The following PCDHA2 variants were observed in gnomAD, a reference collection of about 807,000 sequenced individuals.
PCDHA2 encodes the protein protocadherin alpha 2, also known as protocadherin alpha-2.
In PCDHA2, 58 loss-of-function variants were observed where a neutral mutation model predicts 66.0. The ratio of observed to expected loss-of-function variants is 0.88; its 90% CI spans 0.71 to 1.09. The LOEUF (loss-of-function observed/expected upper bound fraction) is 1.09. Among genes scored for constraint, PCDHA2 ranks in the 50% least tolerant of loss-of-function variants. The pLI, the probability that PCDHA2 is intolerant of heterozygous loss-of-function variation, is 0.00. For missense variants in PCDHA2, 1,267 were observed against 1,242.3 expected, an observed-to-expected ratio of 1.02 and a Z score of -0.30; for synonymous variants, 634 against 554.0, an observed-to-expected ratio of 1.14 and a Z score of -2.03.
rs377755323 is a variant in PCDHA2 at position 140,870,200 on chromosome 5, C to T, written c.2388+72848C>T. Reference sequence around the variant, plus strand: ...GTACGAGAGGACGCTCAGCCCAGCACGGTCATTGCCCTGATCAGCGTGTCT... The same window carrying T: ...GTACGAGAGGACGCTCAGCCCAGCATGGTCATTGCCCTGATCAGCGTGTCT... On this transcript the variant is annotated intron_variant, in intron 1 of 3. Transcript: ENST00000526136. 7 of 1,614,172 alleles carry T rather than the reference C, an allele frequency of 4.3e-6. No homozygotes were observed. The African/African-American group carries it at 5.3e-5, about 12-fold the overall frequency.
intron 1 of PCDHA2, among the ~76,000 whole-genome samples, chr5:140,832,629 T>G (rs1394763115): frequency 3.9e-5 from 6 of 152,122 alleles, no homozygotes; most frequent in Non-Finnish European, 8.8e-5. Context: ...TTTTAAAAAG[T>G]TCCTAGGAGG....
In PCDHA2 at chr5:140,879,837, T is replaced by C. The variant is rs150709679; in HGVS notation, c.2388+82485T>C. ...GTTGGTGTTCCCTGGCTTGTGGCTGTACCACTCCCATCTCAGCCTTCTCAG... is the reference window on the plus strand; with the variant it reads ...GTTGGTGTTCCCTGGCTTGTGGCTGCACCACTCCCATCTCAGCCTTCTCAG... On this transcript the variant is annotated intron_variant, in intron 1 of 3. Coordinates refer to ENST00000526136, the MANE Select transcript of PCDHA2 (RefSeq NM_018905.3). Among the ~76,000 whole-genome samples, 861 of 152,350 alleles carry C rather than the reference T, an allele frequency of 5.7e-3. 5 individuals are homozygous for C. The highest frequency in any genetic ancestry group is 0.014 in the Middle Eastern group (4 of 294).
chr5:140,875,054 C>A (rs2055251816), intron 1 of PCDHA2, among the ~76,000 whole-genome samples: 1 of 152,146 alleles, frequency 6.6e-6, no homozygotes, highest in Non-Finnish European at 1.5e-5. Flanking sequence ...TACTTTGAAG[C>A]AGAAAACATT....
intron 1 of PCDHA2, among the ~76,000 whole-genome samples, chr5:140,943,307 T>C (rs1554215574): frequency 6.7e-6 from 1 of 149,570 alleles, no homozygotes; most frequent in Non-Finnish European, 1.5e-5. Flanking sequence ...TGGGAAGTCA[T>C]TATTAGCAAT....
chr5:140,985,887 C>A (rs765609645), intron 3 of PCDHA2, among the ~76,000 whole-genome samples: 2 of 151,840 alleles, frequency 1.3e-5, no homozygotes, highest in Non-Finnish European at 2.9e-5. Context: ...CTACAGGCGC[C>A]CGCCACCACT....
chr5:140,834,483 T>C (rs1387248014), intron 1 of PCDHA2: 12 of 1,614,016 alleles, frequency 7.4e-6, no homozygotes, highest in Admixed American at 1.7e-5. Context: ...GCTCCACTAC[T>C]CGGTCCCCGA....
chr5:140,905,851 A>G (rs1345912722), intron 1 of PCDHA2, among the ~76,000 whole-genome samples: 1 of 152,204 alleles, frequency 6.6e-6, no homozygotes, highest in Non-Finnish European at 1.5e-5. Context: ...ATTAAGGAGT[A>G]TTAACTCACA....
chr5:140,796,197 C>T lies in PCDHA2; in HGVS notation c.1233C>T (p.Ser411=), dbSNP rs782096647. 9.9e-6 allele frequency: 16 copies of T among 1,614,182 alleles called. 1 individual carries two copies. The East Asian group carries it at 1.1e-4, about 11-fold the overall frequency. The change falls in exon 1 of 4, where the codon AGC becomes AGT. Residue 411 remains serine (S), a synonymous_variant. Coordinates refer to ENST00000526136, the MANE Select transcript of PCDHA2 (RefSeq NM_018905.3). ...FKNYYSLVLD[S]ALDRESVSAY... ...ATTACTACTCGTTGGTGCTGGACAG[C>T]GCCCTGGACCGCGAGAGCGTGTCAG...
At chr5:140,811,618 G>T (rs1044460838) in intron 1 of PCDHA2, 1 of 152,134 alleles carries the variant, frequency 6.6e-6, no homozygotes, top group Non-Finnish European at 1.5e-5. Flanking sequence ...TCCCACCAAC[G>T]GTGTAAAAGC....
At chr5:140,999,973 C>A (rs1370727292) in intron 3 of PCDHA2, among the ~76,000 whole-genome samples, 2 of 152,082 alleles carry the variant, frequency 1.3e-5, no homozygotes, top group African/African-American at 4.8e-5. Context: ...AGTAGCAGCT[C>A]TAGCGGCCTC....
intron 1 of PCDHA2, among the ~76,000 whole-genome samples, chr5:140,887,345 C>A (rs1286436995): frequency 6.6e-6 from 1 of 152,140 alleles, no homozygotes; most frequent in Non-Finnish European, 1.5e-5. Context: ...ATCCACCTGG[C>A]TCGGCCTCCC....
intron 1 of PCDHA2, chr5:140,865,066 G>A (rs1299001288): frequency 1.3e-5 from 2 of 152,140 alleles, no homozygotes; most frequent in African/African-American, 4.8e-5. Flanking sequence ...AATAACTTAA[G>A]TATAAGAACC....
chr5:140,844,317 T>G (rs1026706831), intron 1 of PCDHA2, among the ~76,000 whole-genome samples: 3 of 149,600 alleles, frequency 2.0e-5, no homozygotes, highest in African/African-American at 7.3e-5. Context: ...TTCTTCCTAA[T>G]TTTATTATAA....
chr5:140,950,685 A>T (rs947460709), intron 1 of PCDHA2, among the ~76,000 whole-genome samples: 3 of 152,082 alleles, frequency 2.0e-5, no homozygotes, highest in Non-Finnish European at 4.4e-5. Context: ...GTATATTGTT[A>T]ACCAAATTTG....
At chr5:140,964,910 A>G (rs1474342229) in intron 1 of PCDHA2, among the ~76,000 whole-genome samples, 2 of 152,206 alleles carry the variant, frequency 1.3e-5, no homozygotes, top group African/African-American at 4.8e-5. Context: ...CTTCTCTGGA[A>G]TAACACTGGC....
intron 1 of PCDHA2, chr5:140,809,681 T>A: frequency 7.6e-7 from 1 of 1,319,606 alleles, no homozygotes; most frequent in Non-Finnish European, 1.0e-6. Flanking sequence ...ATTTTACCTC[T>A]TTTTACATAT....
At chr5:140,894,469 C>T (rs183471525) in intron 1 of PCDHA2, among the ~76,000 whole-genome samples, 8 of 151,852 alleles carry the variant, frequency 5.3e-5, no homozygotes, top group Admixed American at 5.2e-4. Context: ...ACTTTTTATT[C>T]TTGTTTTCAT....
At chr5:140,953,545 C>A (rs551898012) in intron 1 of PCDHA2, among the ~76,000 whole-genome samples, 1 of 152,204 alleles carries the variant, frequency 6.6e-6, no homozygotes, top group Admixed American at 6.5e-5. Context: ...CATGCTGATT[C>A]TTTTCTCCAA....
In PCDHA2 at chr5:140,797,010, G is replaced by T. The variant is rs782780304; in HGVS notation, c.2046G>T (p.Ala682=). 5 of 1,613,628 alleles carry T rather than the reference G, an allele frequency of 3.1e-6. No individual in the cohort carries two copies. In the South Asian group the frequency reaches 5.5e-5, roughly 18 times the overall value. The change falls in exon 1 of 4, where the codon GCG becomes GCT. Residue 682 remains alanine (A), a synonymous_variant. Coordinates refer to ENST00000526136, the MANE Select transcript of PCDHA2 (RefSeq NM_018905.3). ...AGGCACCCAAGGCCTCGTCGCGGGCGTGGGTGGGCGCCGCGGGCTCAGAGG... is the reference window on the plus strand; with the variant it reads ...AGGCACCCAAGGCCTCGTCGCGGGCTTGGGTGGGCGCCGCGGGCTCAGAGG... ...SGQAPKASSR[A]WVGAAGSEAT... is the part of the protein sequence containing the mutation.
Sources: allele counts gnomAD v4.1 joint callset (sites outside exome capture counted in the v4.1 genomes callset), GRCh38; gene constraint gnomAD v4.1.1; transcripts MANE v1.5; gene names NCBI Gene and HGNC (gene_info 2026-07-23, HGNC 2026-07-21).